H2BC26: variants seen among roughly 807,000 people sequenced by gnomAD.
H2BC26 encodes the protein H2B clustered histone 26.
chr1:228,458,162 C>T, the H2BC26 span: 53 of 1,612,082 alleles, frequency 3.3e-5, no homozygotes, highest in Admixed American at 8.3e-4. Context: ...CTCCTGCGCC[C>T]AAGAAGGGTT....
chr1:228,458,525 T>C, the H2BC26 span: 31 of 1,613,932 alleles, frequency 1.9e-5, no homozygotes, highest in Non-Finnish European at 2.3e-5. Flanking sequence ...TTCCTCGGCG[T>C]CCTGAACCCA....
At chr1:228,458,540 C>G in the H2BC26 span, 25 of 1,613,992 alleles carry the variant, frequency 1.5e-5, no homozygotes, top group Non-Finnish European at 1.9e-5. Context: ...AACCCAAAGG[C>G]TCTTTTCAGA....
chr1:228,458,254 T>C, the H2BC26 span: 3 of 1,614,190 alleles, frequency 1.9e-6, no homozygotes, highest in Non-Finnish European at 2.5e-6. Flanking sequence ...TCTATCTACG[T>C]GTACAAGGTG....
At chr1:228,458,105 T>C in the H2BC26 span, 1 of 1,553,368 alleles carries the variant, frequency 6.4e-7, no homozygotes, top group Non-Finnish European at 8.7e-7. Context: ...CGCCGCGCGT[T>C]TCTGTTTGGA....
the H2BC26 span, chr1:228,458,152 C>T: frequency 1.2e-6 from 2 of 1,609,644 alleles, no homozygotes; most frequent in Admixed American, 1.7e-5. Context: ...TCCAAATCGG[C>T]TCCTGCGCCC....
the H2BC26 span, chr1:228,458,139 C>A: frequency 6.2e-7 from 1 of 1,604,688 alleles, no homozygotes; most frequent in Non-Finnish European, 8.5e-7. Flanking sequence ...CATGCCAGAC[C>A]CGTCCAAATC....
the H2BC26 span, chr1:228,458,282 C>G: frequency 1.2e-6 from 2 of 1,614,200 alleles, no homozygotes; most frequent in Admixed American, 1.7e-5. Flanking sequence ...AGGTGCACCC[C>G]GACACCGGCA....
chr1:228,458,346 C>T, the H2BC26 span: 13 of 1,614,072 alleles, frequency 8.1e-6, no homozygotes, highest in East Asian at 2.2e-5. Flanking sequence ...CATCTTCGAG[C>T]GCATCGCCAG....
At chr1:228,458,248 T>A in the H2BC26 span, 6 of 1,614,142 alleles carry the variant, frequency 3.7e-6, no homozygotes, top group Admixed American at 1.0e-4. Flanking sequence ...AGCTATTCTA[T>A]CTACGTGTAC....
At chr1:228,458,253 G>A in the H2BC26 span, 10 of 1,614,194 alleles carry the variant, frequency 6.2e-6, no homozygotes, top group South Asian at 7.7e-5. Flanking sequence ...TTCTATCTAC[G>A]TGTACAAGGT....
At chr1:228,458,282 C>T in the H2BC26 span, 169 of 1,614,082 alleles carry the variant, frequency 1.0e-4, no homozygotes, top group Admixed American at 1.7e-4. Context: ...AGGTGCACCC[C>T]GACACCGGCA....
the H2BC26 span, chr1:228,458,208 G>C: frequency 9.3e-6 from 15 of 1,614,096 alleles, no homozygotes; most frequent in Admixed American, 3.3e-5. Flanking sequence ...GAAGAAGGAC[G>C]GCAAGAAGCG....
chr1:228,458,281 C>T, the H2BC26 span: 2 of 1,614,094 alleles, frequency 1.2e-6, no homozygotes, highest in Admixed American at 3.3e-5. Flanking sequence ...CAGGTGCACC[C>T]CGACACCGGC....
chr1:228,458,542 C>G, the H2BC26 span: 9 of 1,613,872 alleles, frequency 5.6e-6, no homozygotes, highest in Non-Finnish European at 7.6e-6. Context: ...CCCAAAGGCT[C>G]TTTTCAGAGC....
chr1:228,458,520 C>T, the H2BC26 span: 1 of 1,614,018 alleles, frequency 6.2e-7, no homozygotes, highest in South Asian at 1.1e-5. Context: ...AGGCGTTCCT[C>T]GGCGTCCTGA....
chr1:228,458,447 G>T, the H2BC26 span: 3 of 1,614,204 alleles, frequency 1.9e-6, no homozygotes, highest in South Asian at 3.3e-5. Flanking sequence ...TGCCCGGCGA[G>T]CTGGCCAAGC....
At chr1:228,458,306 C>A in the H2BC26 span, 22 of 1,614,118 alleles carry the variant, frequency 1.4e-5, no homozygotes, top group Non-Finnish European at 1.7e-5. Context: ...CGTCCAAGGC[C>A]ATGGGCATCA....
At chr1:228,458,473 G>A in the H2BC26 span, 3 of 1,614,162 alleles carry the variant, frequency 1.9e-6, no homozygotes, top group Non-Finnish European at 2.5e-6. Flanking sequence ...GTGTCCGAGG[G>A]CACCAAGGCT....
At chr1:228,458,120 C>T in the H2BC26 span, 8 of 1,577,752 alleles carry the variant, frequency 5.1e-6, no homozygotes, top group Admixed American at 1.9e-5. Flanking sequence ...TTTGGAGAGA[C>T]TCAGCCATCA....
Sources: allele counts gnomAD v4.1 joint callset, GRCh38; gene constraint gnomAD v4.1.1; transcripts MANE v1.5; gene names NCBI Gene and HGNC (gene_info 2026-07-23, HGNC 2026-07-21).